Variants in CHRDL1 observed in about 807,000 individuals in gnomAD.
CHRDL1 encodes chordin like 1.
A neutral mutation model predicts 40.9 loss-of-function variants in CHRDL1; 19 were observed. The observed-to-expected ratio is 0.46, with a 90% confidence interval of 0.32 to 0.68. The LOEUF (loss-of-function observed/expected upper bound fraction) is 0.68. Ranked by LOEUF, CHRDL1 falls within the 30% of genes least tolerant of loss-of-function variation. CHRDL1 has a pLI of 0.03. For missense variants in CHRDL1, 329 were observed against 352.1 expected (o/e 0.93, Z 0.53); for synonymous variants, 136 against 123.4 (o/e 1.10, Z -0.68).
chrX:110,745,975 C>T (rs752899261), intron 4 of CHRDL1, among the ~76,000 whole-genome samples: 1 of 112,042 alleles, frequency 8.9e-6, no homozygotes, highest in Non-Finnish European at 1.9e-5. Context: ...TTCTTCCATG[C>T]GTTGTGTTCC....
At chrX:110,776,772 A>G (rs971509166) in intron 2 of CHRDL1, among the ~76,000 whole-genome samples, 20 of 110,777 alleles carry the variant, frequency 1.8e-4, no homozygotes, top group South Asian at 3.8e-4. Flanking sequence ...ACACATGCAT[A>G]GTGTCCCCAG....
chrX:110,741,534 G>A (rs1298648134), intron 4 of CHRDL1, among the ~76,000 whole-genome samples: 1 of 111,209 alleles, frequency 9.0e-6, no homozygotes, highest in Admixed American at 9.5e-5. Flanking sequence ...GTAGGCTCTT[G>A]GAGGGTCTGA....
At chrX:110,762,345 C>T (rs181763624) in intron 3 of CHRDL1, among the ~76,000 whole-genome samples, 12 of 111,770 alleles carry the variant, frequency 1.1e-4, no homozygotes, top group Admixed American at 3.8e-4. Context: ...GGTATAATCT[C>T]GGTTCACTTC....
At chrX:110,792,604 G>A in intron 1 of CHRDL1, among the ~76,000 whole-genome samples, 1 of 111,708 alleles carries the variant, frequency 9.0e-6, no homozygotes, top group Non-Finnish European at 1.9e-5. Flanking sequence ...AAAGTAACAA[G>A]CATGAGACCA....
Position 110,674,457 on chromosome X carries a change from C to CCACACACACACACACACACA in CHRDL1, c.*1754_*1773dup, listed in dbSNP as rs72056903. 5.1e-5 allele frequency: 4 copies of CCACACACACACACACACACA among 78,928 alleles called. No homozygotes were observed. The highest frequency in any genetic ancestry group is 7.8e-4 in the South Asian group (1 of 1,274). 6.5% of individuals were successfully genotyped at this position (78,928 alleles called of 1,213,427 possible). ...GCCGCATAACACCTTCCCCCCTTTA[C>CCACACACACACACACACACA]CACACACACACACACACACACACAC... On this transcript the variant is annotated 3_prime_UTR_variant, in exon 12 of 12. Coordinates refer to ENST00000372042, the MANE Select transcript of CHRDL1 (RefSeq NM_001143981.2).
intron 2 of CHRDL1, among the ~76,000 whole-genome samples, chrX:110,765,901 T>G (rs2089652090): frequency 9.0e-6 from 1 of 111,667 alleles, no homozygotes; most frequent in Non-Finnish European, 1.9e-5. Context: ...ACACATTCTA[T>G]TCAACAGAGC....
At chrX:110,733,655 C>A (rs2071208773) in intron 4 of CHRDL1, among the ~76,000 whole-genome samples, 1 of 111,344 alleles carries the variant, frequency 9.0e-6, no homozygotes, top group African/African-American at 3.3e-5. Context: ...TGACTGTAAT[C>A]CCAGCACTTT....
In CHRDL1 at chrX:110,700,776, A is replaced by T. The variant is rs982433963; in HGVS notation, c.542-55T>A. 1.8e-5 allele frequency: 15 copies of T among 828,211 alleles called. 1 individual carries two copies. Among genetic ancestry groups the T allele is most frequent in the Middle Eastern group, 5.6e-4 (2 of 3,556 alleles). 68.3% of individuals were successfully genotyped at this position (828,211 alleles called of 1,213,427 possible). A position where few individuals can be genotyped will look rare whatever the true frequency, so the allele number is the denominator to read the frequency against. On this transcript the variant is annotated intron_variant, in intron 6 of 11. Transcript: ENST00000372042. Reference sequence around the variant, plus strand: ...TCATACATTCATAAAAGGGAAAGTTATCACCCTTGTGACCCAGCAACATTT... The same window carrying T: ...TCATACATTCATAAAAGGGAAAGTTTTCACCCTTGTGACCCAGCAACATTT...
intron 2 of CHRDL1, among the ~76,000 whole-genome samples, chrX:110,789,900 A>G: frequency 8.9e-6 from 1 of 111,884 alleles, no homozygotes; most frequent in Non-Finnish European, 1.9e-5. Context: ...ATAAGTTAAC[A>G]AGCATTTCCC....
intron 2 of CHRDL1, among the ~76,000 whole-genome samples, chrX:110,775,080 C>A (rs1487674936): frequency 8.9e-6 from 1 of 111,733 alleles, no homozygotes; most frequent in African/African-American, 3.2e-5. Flanking sequence ...AAAAAACATT[C>A]TTTTCAAAAG....
intron 2 of CHRDL1, among the ~76,000 whole-genome samples, chrX:110,763,746 T>C (rs1360643347): frequency 9.0e-6 from 1 of 111,607 alleles, no homozygotes; most frequent in Non-Finnish European, 1.9e-5. Context: ...TTCCTCTGCA[T>C]AGATACCCAA....
intron 6 of CHRDL1, among the ~76,000 whole-genome samples, chrX:110,701,719 TAGA>T (rs976561452): frequency 9.0e-6 from 1 of 110,991 alleles, no homozygotes; most frequent in African/African-American, 3.3e-5. Flanking sequence ...GAGGCTGAGG[TAGA>T]AGAACTGCTT....
chrX:110,697,645 T>C (rs1037187089), intron 7 of CHRDL1, among the ~76,000 whole-genome samples: 1 of 110,208 alleles, frequency 9.1e-6, no homozygotes, highest in Non-Finnish European at 1.9e-5. Context: ...ATCTGTTTCA[T>C]GTCGTTTCTA....
intron 8 of CHRDL1, among the ~76,000 whole-genome samples, chrX:110,692,421 T>C (rs1000713476): frequency 4.5e-5 from 5 of 111,693 alleles, no homozygotes; most frequent in Non-Finnish European, 9.4e-5. Context: ...GGCAAATGAA[T>C]AAATGTAAAC....
rs764016683 is a variant in CHRDL1, at chrX:110,721,399, G to C, written c.433C>G (p.Gln145Glu). 2 of 1,209,123 alleles carry C rather than the reference G, an allele frequency of 1.7e-6. No homozygotes were observed. Among genetic ancestry groups the C allele is most frequent in the African/African-American group, 3.5e-5 (2 of 57,296 alleles). ...FQNRQPNQCTQCSCSEGNVYC... is the reference protein window; with the variant it reads ...FQNRQPNQCTECSCSEGNVYC... ...TAGGGTCTTACCGAACAGCTGCACTGGGTGCATTGATTGGGTTGCCGATTC... is the reference window on the plus strand; with the variant it reads ...TAGGGTCTTACCGAACAGCTGCACTCGGTGCATTGATTGGGTTGCCGATTC... Residue 145 changes from glutamine (Q) to glutamate (E), a missense_variant, in exon 5 of 12, where the codon CAG becomes GAG. By Grantham distance (29) the Gln-to-Glu change is conservative (BLOSUM62 2). Transcript: ENST00000372042.
At chrX:110,715,367 G>T (rs1046044940) in intron 6 of CHRDL1, among the ~76,000 whole-genome samples, 1 of 110,960 alleles carries the variant, frequency 9.0e-6, no homozygotes, top group Non-Finnish European at 1.9e-5. Context: ...TACTTAACTC[G>T]GGGGTAATAA....
chrX:110,723,535 C>T (rs1375427280), intron 4 of CHRDL1, among the ~76,000 whole-genome samples: 2 of 111,480 alleles, frequency 1.8e-5, no homozygotes, highest in Admixed American at 9.5e-5. Flanking sequence ...CCCAAGGTGA[C>T]ACAACTTGCA....
intron 2 of CHRDL1, among the ~76,000 whole-genome samples, chrX:110,781,643 A>C (rs1345578491): frequency 9.0e-6 from 1 of 111,213 alleles, no homozygotes; most frequent in African/African-American, 3.3e-5. Context: ...AAAGATAAAG[A>C]CCACCGAAAA....
At chrX:110,751,720 TA>T in intron 4 of CHRDL1, among the ~76,000 whole-genome samples, 1 of 111,474 alleles carries the variant, frequency 9.0e-6, no homozygotes, top group Admixed American at 9.5e-5. Context: ...GGAGGCTTCT[TA>T]AAAAAGCTAC....
Sources: gnomAD v4.1 joint callset for allele counts (sites outside exome capture counted in the v4.1 genomes callset) on GRCh38, gnomAD v4.1.1 for gene constraint, MANE v1.5 for transcripts, NCBI Gene and HGNC (gene_info 2026-07-23, HGNC 2026-07-21) for gene names.